Variants in GABRG3 observed in about 807,000 individuals in gnomAD.
GABRG3 encodes the protein gamma-aminobutyric acid receptor subunit gamma-3.
GABRG3 carries 25 observed loss-of-function variants against 48.8 expected under a neutral mutation model. The ratio of observed to expected loss-of-function variants is 0.51; its 90% CI spans 0.37 to 0.72. The LOEUF (loss-of-function observed/expected upper bound fraction) is 0.72, where lower values mean the gene tolerates loss of function less well. Ranked by LOEUF, GABRG3 falls within the 30% of genes least tolerant of loss-of-function variation. The pLI is 0.00. For synonymous variants in GABRG3, 227 were observed against 217.6 expected (o/e 1.04, Z -0.38); for missense variants, 394 against 577.9 (o/e 0.68, Z 3.26).
chr15:27,429,166 C>G (rs1277864632), intron 5 of GABRG3, among the ~76,000 whole-genome samples: 1 of 152,038 alleles, frequency 6.6e-6, no homozygotes, highest in Admixed American at 6.6e-5. Flanking sequence ...AGTTTCAAAA[C>G]ACAACTGTTG....
intron 3 of GABRG3, among the ~76,000 whole-genome samples, chr15:27,167,680 G>A (rs754417839): frequency 5.3e-5 from 8 of 152,294 alleles, no homozygotes; most frequent in Non-Finnish European, 1.0e-4. Flanking sequence ...CTCCTCTGAC[G>A]TCCTCACTCC....
chr15:27,056,062 T>C (rs1356124372), intron 3 of GABRG3, among the ~76,000 whole-genome samples: 1 of 151,878 alleles, frequency 6.6e-6, no homozygotes, highest in East Asian at 1.9e-4. Flanking sequence ...AGAAAATAAA[T>C]GTACAGGCTG....
At chr15:27,504,992 A>G (rs1890728854) in intron 6 of GABRG3, among the ~76,000 whole-genome samples, 1 of 152,218 alleles carries the variant, frequency 6.6e-6, no homozygotes, top group Admixed American at 6.5e-5. Flanking sequence ...TAACATAGCC[A>G]CAATACTCTT....
At chr15:27,061,713 T>G (rs1896649975) in intron 3 of GABRG3, among the ~76,000 whole-genome samples, 1 of 152,122 alleles carries the variant, frequency 6.6e-6, no homozygotes, top group African/African-American at 2.4e-5. Flanking sequence ...AAAAAAAGTC[T>G]TTTCCCTGCT....
intron 3 of GABRG3, among the ~76,000 whole-genome samples, chr15:27,300,690 A>C (rs554155528): frequency 2.0e-5 from 3 of 151,658 alleles, no homozygotes; most frequent in South Asian, 2.1e-4. Flanking sequence ...AAAAAAAAAA[A>C]AAAAAAACAC....
intron 3 of GABRG3, among the ~76,000 whole-genome samples, chr15:27,215,907 G>A (rs530686582): frequency 3.9e-5 from 6 of 152,346 alleles, no homozygotes; most frequent in African/African-American, 1.2e-4. Context: ...ATAATTAGGT[G>A]TGCAATTTAC....
At chr15:26,999,443 G>C (rs1031965043) in intron 2 of GABRG3, among the ~76,000 whole-genome samples, 1 of 152,058 alleles carries the variant, frequency 6.6e-6, no homozygotes, top group African/African-American at 2.4e-5. Context: ...CACCTGCATT[G>C]TTTCTGATGA....
chr15:27,470,754 A>G (rs1047712099), intron 5 of GABRG3, among the ~76,000 whole-genome samples: 1 of 151,936 alleles, frequency 6.6e-6, no homozygotes, highest in South Asian at 2.1e-4. Context: ...CTTTTTTGCC[A>G]TGCTTTTTTT....
intron 5 of GABRG3, among the ~76,000 whole-genome samples, chr15:27,424,319 CT>C (rs890932619): frequency 2.6e-5 from 4 of 152,108 alleles, no homozygotes; most frequent in South Asian, 2.1e-4. Context: ...TAACAGAATT[CT>C]TTCTCATAGT....
At chr15:27,205,240 A>T (rs956704265) in intron 3 of GABRG3, among the ~76,000 whole-genome samples, 2 of 152,092 alleles carry the variant, frequency 1.3e-5, no homozygotes, top group African/African-American at 4.8e-5. Context: ...TTCAATGCCT[A>T]GTTTCTTGAG....
intron 5 of GABRG3, among the ~76,000 whole-genome samples, chr15:27,351,689 G>A (rs947747943): frequency 6.7e-6 from 1 of 148,520 alleles, no homozygotes; most frequent in African/African-American, 2.5e-5. Context: ...TGTGTGTATG[G>A]TCTGTGTGTG....
chr15:27,434,857 C>T (rs1566839410), intron 5 of GABRG3, among the ~76,000 whole-genome samples: 2 of 152,156 alleles, frequency 1.3e-5, no homozygotes, highest in African/African-American at 2.4e-5. Context: ...TAATAATTCC[C>T]CTTTGGCAAG....
At chr15:27,412,143 T>C (rs1242241622) in intron 5 of GABRG3, among the ~76,000 whole-genome samples, 2 of 152,160 alleles carry the variant, frequency 1.3e-5, no homozygotes, top group Non-Finnish European at 2.9e-5. Flanking sequence ...AAACTTTGTA[T>C]TTTGAGATAA....
chr15:27,529,927 G>C (rs1272764342), intron 9 of GABRG3, among the ~76,000 whole-genome samples: 2 of 149,578 alleles, frequency 1.3e-5, no homozygotes, highest in Non-Finnish European at 3.0e-5. Flanking sequence ...AAAGTTTAAT[G>C]ACCTTAAAGG....
intron 3 of GABRG3, among the ~76,000 whole-genome samples, chr15:27,279,534 G>A (rs892528345): frequency 1.3e-5 from 2 of 152,112 alleles, no homozygotes; most frequent in Admixed American, 6.5e-5. Flanking sequence ...TTCTTCAAAC[G>A]AATTGCTTTT....
chr15:27,338,514 C>T (rs747340346), intron 5 of GABRG3, among the ~76,000 whole-genome samples: 1 of 152,168 alleles, frequency 6.6e-6, no homozygotes, highest in Non-Finnish European at 1.5e-5. Flanking sequence ...GATTCAGACG[C>T]TGGTTCACGG....
chr15:27,407,561 A>G (rs1393875990), intron 5 of GABRG3, among the ~76,000 whole-genome samples: 1 of 152,220 alleles, frequency 6.6e-6, no homozygotes, highest in Non-Finnish European at 1.5e-5. Context: ...AACAACCAAG[A>G]TGTTTTTCAG....
intron 5 of GABRG3, among the ~76,000 whole-genome samples, chr15:27,418,531 C>G (rs1046300144): frequency 6.6e-6 from 1 of 152,182 alleles, no homozygotes; most frequent in South Asian, 2.1e-4. Context: ...GTCACTGATT[C>G]AGCTGCCACT....
intron 3 of GABRG3, among the ~76,000 whole-genome samples, chr15:27,282,026 T>C (rs1891451262): frequency 6.6e-6 from 1 of 152,188 alleles, no homozygotes; most frequent in African/African-American, 2.4e-5. Context: ...ATTTATCTTC[T>C]GTTAGCATTG....
Sources: allele counts gnomAD v4.1 joint callset (sites outside exome capture counted in the v4.1 genomes callset), GRCh38; gene constraint gnomAD v4.1.1; transcripts MANE v1.5; gene names NCBI Gene and HGNC (gene_info 2026-07-23, HGNC 2026-07-21).